ANO5: variants seen among roughly 807,000 people sequenced by gnomAD.
The protein encoded by ANO5 is anoctamin 5.
In ANO5, 109 loss-of-function variants were observed where a neutral mutation model predicts 121.0. The observed-to-expected ratio is 0.90, with a 90% CI of 0.77 to 1.06. ANO5 has a LOEUF of 1.06. ANO5 is among the 50% of genes least tolerant of loss of function. The pLI, the probability that ANO5 is intolerant of heterozygous loss-of-function variation, is 0.00. For missense variants in ANO5, 1,064 were observed against 1,078.5 expected (o/e 0.99, Z 0.19); for synonymous variants, 406 against 359.9 (o/e 1.13, Z -1.45).
chr11:22,266,890 G>T (rs1854386419), intron 17 of ANO5, among the ~76,000 whole-genome samples: 1 of 152,104 alleles, frequency 6.6e-6, no homozygotes, highest in African/African-American at 2.4e-5. Flanking sequence ...CTCCAGTTGG[G>T]ACAACCAAAA....
rs371599321 is a variant in ANO5 at position 22,221,187 on chromosome 11, A to T, written c.271A>T (p.Lys91Ter). The change falls in exon 5 of 22, where the codon AAG (lysine) becomes TAG (stop). Residue 91 changes from lysine (K) to a stop codon, truncating the protein, a stop_gained. Transcript: ENST00000324559. LOFTEE classifies it high-confidence loss of function. ...DFVLSYVDDV[K>*]KDAELKAERR... ...TGTGCTTTCCTACGTTGATGATGTA[A>T]AGAAAGACGCAGAGTTAAAGGCGGT... The T allele has an allele frequency of 1.2e-6, 2 of 1,610,016 alleles. No homozygotes were observed. Among genetic ancestry groups the T allele is most frequent in the Non-Finnish European group, 8.5e-7 (1 of 1,177,108 alleles).
intron 15 of ANO5, 127 bp downstream of exon 15, chr11:22,259,868 A>G: frequency 1.1e-6 from 1 of 931,582 alleles, no homozygotes; most frequent in Non-Finnish European, 1.7e-6. Context: ...TTTCTCTATA[A>G]ATAGACCCAT....
intron 2 of ANO5, among the ~76,000 whole-genome samples, chr11:22,206,757 A>T (rs1388914531): frequency 6.6e-6 from 1 of 152,126 alleles, no homozygotes; most frequent in African/African-American, 2.4e-5. Flanking sequence ...AACCAAGAAT[A>T]GAGAGGAACT....
chr11:22,196,727 G>T (rs1391813491), intron 1 of ANO5, among the ~76,000 whole-genome samples: 4 of 152,024 alleles, frequency 2.6e-5, no homozygotes, highest in African/African-American at 9.7e-5. Context: ...AAATTAGCTG[G>T]GTGTGGTGAC....
intron 17 of ANO5, among the ~76,000 whole-genome samples, chr11:22,269,124 AG>A (rs1854480593): frequency 1.4e-5 from 2 of 142,006 alleles, no homozygotes; most frequent in African/African-American, 6.0e-5. Context: ...GATTAAAGAA[AG>A]GAAAGGAAAG....
chr11:22,253,771 G>A (rs1429702229), intron 12 of ANO5, among the ~76,000 whole-genome samples: 1 of 152,128 alleles, frequency 6.6e-6, no homozygotes, highest in Non-Finnish European at 1.5e-5. Flanking sequence ...TCGTAGAAGT[G>A]CATTGTAAAT....
chr11:22,251,356 G>C (rs1590285217), intron 12 of ANO5, among the ~76,000 whole-genome samples: 1 of 152,266 alleles, frequency 6.6e-6, no homozygotes, highest in South Asian at 2.1e-4. Flanking sequence ...GGAGGATATT[G>C]ATCATGTATA....
chr11:22,202,646 G>A (rs1277766457), intron 1 of ANO5, among the ~76,000 whole-genome samples: 1 of 152,104 alleles, frequency 6.6e-6, no homozygotes, highest in African/African-American at 2.4e-5. Context: ...TGATGGAAGA[G>A]GGAAAGCAGC....
At chr11:22,275,177 A>G (rs1854792755) in intron 20 of ANO5, among the ~76,000 whole-genome samples, 1 of 151,918 alleles carries the variant, frequency 6.6e-6, no homozygotes, top group Admixed American at 6.6e-5. Context: ...GAAATATAAT[A>G]TGATCAGTTC....
At chr11:22,237,474 T>G (rs1853261720) in intron 8 of ANO5, among the ~76,000 whole-genome samples, 1 of 152,154 alleles carries the variant, frequency 6.6e-6, no homozygotes, top group African/African-American at 2.4e-5. Context: ...CACTGCAGCC[T>G]CCGTCTCCCG....
At position 22,193,325 on chromosome 11, in the gene ANO5, G is replaced by A. The variant is rs1476379832; in HGVS notation, c.-168G>A. 10 of 1,481,602 alleles carry A rather than the reference G, an allele frequency of 6.7e-6. No individual in the cohort carries two copies. In the East Asian group the frequency reaches 2.5e-4, roughly 37 times the overall value. 91.8% of individuals were successfully genotyped at this position (1,481,602 alleles called of 1,614,324 possible). A position where few individuals can be genotyped will look rare whatever the true frequency, so the allele number is the denominator to read the frequency against. Reference sequence around the variant, plus strand: ...CCCAGAGACGGTGGAGTCCGAGGAGGAGGAGAAGGAGGCCTGCAGAAGGAA... The same window carrying A: ...CCCAGAGACGGTGGAGTCCGAGGAGAAGGAGAAGGAGGCCTGCAGAAGGAA... On this transcript the variant is annotated 5_prime_UTR_variant, in exon 1 of 22. Coordinates refer to ENST00000324559, the MANE Select transcript of ANO5 (RefSeq NM_213599.3).
intron 3 of ANO5, among the ~76,000 whole-genome samples, chr11:22,215,652 T>C (rs1301111786): frequency 6.6e-6 from 1 of 151,964 alleles, no homozygotes; most frequent in Non-Finnish European, 1.5e-5. Context: ...ATTATATTCT[T>C]TTCGTTGCTC....
At chr11:22,252,403 C>T (rs1853855496) in intron 12 of ANO5, among the ~76,000 whole-genome samples, 1 of 152,118 alleles carries the variant, frequency 6.6e-6, no homozygotes, top group Non-Finnish European at 1.5e-5. Context: ...CCAACACCTG[C>T]CTTATATTAC....
intron 16 of ANO5, 26 bp downstream of exon 16, chr11:22,262,324 T>C (rs369635022): frequency 1.1e-4 from 173 of 1,609,988 alleles, no homozygotes; most frequent in Non-Finnish European, 1.4e-4. Flanking sequence ...AGAGTTGAGG[T>C]GTGTAGCTTC....
In ANO5 at chr11:22,280,053, G is replaced by A; in HGVS notation, c.*288G>A. 2.7e-6 allele frequency: 1 copy of A among 371,866 alleles called. No homozygotes were observed. 23.0% of individuals were successfully genotyped at this position (371,866 alleles called of 1,614,324 possible). On this transcript the variant is annotated 3_prime_UTR_variant, in exon 22 of 22. Coordinates refer to ENST00000324559, the MANE Select transcript of ANO5 (RefSeq NM_213599.3). ...AGAATCAGAATACTGGGAAATTATG[G>A]AGTCTTGCAGTTTAGTAAGAAACAC... is the stretch of plus-strand genomic sequence containing the variant.
At chr11:22,199,254 CA>C (rs761360388) in intron 1 of ANO5, among the ~76,000 whole-genome samples, 13 of 152,112 alleles carry the variant, frequency 8.5e-5, no homozygotes, top group Non-Finnish European at 1.8e-4. Flanking sequence ...ACAATATCAA[CA>C]AGAATAACAC....
chr11:22,211,196 C>G lies in ANO5; in HGVS notation c.88-68C>G. 3 of 1,544,134 alleles carry G rather than the reference C, an allele frequency of 1.9e-6. No individual in the cohort carries two copies. The Admixed American group carries it at 5.0e-5, about 26-fold the overall frequency. On this transcript the variant is annotated intron_variant, in intron 2 of 21. Coordinates refer to ENST00000324559, the MANE Select transcript of ANO5 (RefSeq NM_213599.3). ...AGAGATTACAGAGTTGTTACTGAAA[C>G]TTAAAAGCACCCTTTGCTCCACCTG...
chr11:22,276,466 G>GAAAT (rs1854856248), intron 21 of ANO5, among the ~76,000 whole-genome samples: 1 of 151,752 alleles, frequency 6.6e-6, no homozygotes, highest in Non-Finnish European at 1.5e-5. Context: ...AGGAAAAGGG[G>GAAAT]AAATAACCCA....
intron 21 of ANO5, 99 bp downstream of exon 21, chr11:22,276,298 A>C: frequency 1.0e-6 from 1 of 962,140 alleles, no homozygotes; most frequent in East Asian, 2.6e-5. Context: ...ATATCTCAGT[A>C]AACTGTCTTG....
Sources: allele counts gnomAD v4.1 joint callset (sites outside exome capture counted in the v4.1 genomes callset), GRCh38; gene constraint gnomAD v4.1.1; transcripts MANE v1.5; gene names NCBI Gene and HGNC (gene_info 2026-07-23, HGNC 2026-07-21).